DCAF7: variants seen among roughly 807,000 people sequenced by gnomAD.
DCAF7 encodes the protein DDB1- and CUL4-associated factor 7.
A neutral mutation model predicts 41.2 loss-of-function variants in DCAF7; 4 were observed. That is an observed-to-expected ratio of 0.10 (90% CI 0.05 to 0.22). DCAF7 has a LOEUF of 0.22. Among genes scored for constraint, DCAF7 ranks in the 10% least tolerant of loss-of-function variants. DCAF7 has a pLI of 1.00. For missense variants in DCAF7, 131 were observed against 443.2 expected (o/e 0.30, Z 6.32); for synonymous variants, 143 against 164.2 (o/e 0.87, Z 0.99).
At chr17:63,564,296 A>C (rs1458514928) in intron 1 of DCAF7, among the ~76,000 whole-genome samples, 1 of 152,240 alleles carries the variant, frequency 6.6e-6, no homozygotes, top group African/African-American at 2.4e-5. Context: ...AAAATAGATA[A>C]AACTTGTAAA....
chr17:63,564,229 C>T (rs900949934), intron 1 of DCAF7, among the ~76,000 whole-genome samples: 5 of 151,970 alleles, frequency 3.3e-5, no homozygotes, highest in African/African-American at 1.2e-4. Context: ...CTTTATAATC[C>T]TCTTACAATC....
intron 1 of DCAF7, among the ~76,000 whole-genome samples, chr17:63,576,724 G>C (rs184495285): frequency 2.1e-4 from 32 of 152,170 alleles, no homozygotes; most frequent in Admixed American, 1.7e-3. Context: ...GGCCAGCCTG[G>C]GCAACATAAG....
At chr17:63,587,050 C>A (rs1014560937) in intron 6 of DCAF7, among the ~76,000 whole-genome samples, 5 of 152,158 alleles carry the variant, frequency 3.3e-5, no homozygotes, top group Admixed American at 6.5e-5. Context: ...AGGATTCTGT[C>A]CTAGTCCTGT....
chr17:63,570,394 C>T (rs2033493312), intron 1 of DCAF7, among the ~76,000 whole-genome samples: 1 of 151,774 alleles, frequency 6.6e-6, no homozygotes, highest in South Asian at 2.1e-4. Context: ...GCGGAGGTTG[C>T]AGTGAGCTGA....
rs1190949950 is a variant in DCAF7 at position 63,593,687 on chromosome 17, C to T, written c.*4515C>T. ...AAATTGTTGAGCTGAAGCTTTGAAT[C>T]GATTTAGTTGAGTCTGACTCACTTG... On this transcript the variant is annotated 3_prime_UTR_variant, in exon 7 of 7. Coordinates refer to ENST00000614556, the MANE Select transcript of DCAF7 (RefSeq NM_005828.5). 2 of 152,718 alleles carry T rather than the reference C, an allele frequency of 1.3e-5. No individual in the cohort carries two copies. The highest frequency in any genetic ancestry group is 2.4e-5 in the African/African-American group (1 of 41,552). 9.5% of individuals were successfully genotyped at this position (152,718 alleles called of 1,614,324 possible). A position where few individuals can be genotyped will look rare whatever the true frequency, so the allele number is the denominator to read the frequency against.
chr17:63,559,429 A>ATGTGTG (rs1469124112), intron 1 of DCAF7, among the ~76,000 whole-genome samples: 1 of 107,240 alleles, frequency 9.3e-6, no homozygotes, highest in African/African-American at 5.6e-5. Flanking sequence ...ACGTATATAT[A>ATGTGTG]TATGTGTGTG....
intron 4 of DCAF7, among the ~76,000 whole-genome samples, chr17:63,580,290 T>A (rs1296604531): frequency 6.6e-6 from 1 of 152,030 alleles, no homozygotes; most frequent in African/African-American, 2.4e-5. Context: ...CAGATTAGAT[T>A]TGGGGAGGAA....
chr17:63,585,733 T>C (rs916862152), intron 6 of DCAF7, among the ~76,000 whole-genome samples: 1 of 152,216 alleles, frequency 6.6e-6, no homozygotes, highest in Non-Finnish European at 1.5e-5. Flanking sequence ...AAACCCACAG[T>C]GTGCTCTGGA....
At chr17:63,566,585 C>A (rs975081294) in intron 1 of DCAF7, among the ~76,000 whole-genome samples, 2 of 152,098 alleles carry the variant, frequency 1.3e-5, no homozygotes, top group African/African-American at 4.8e-5. Flanking sequence ...GAAAGGAGAG[C>A]TATTTGTACT....
Position 63,589,376 on chromosome 17 carries a change from C to G in DCAF7, c.*204C>G, listed in dbSNP as rs1351445986. On this transcript the variant is annotated 3_prime_UTR_variant, in exon 7 of 7. Coordinates refer to ENST00000614556, the MANE Select transcript of DCAF7 (RefSeq NM_005828.5). ...GACTCAGTGCTGTGTGGCGCCTCCTCAGCCCAGGGCTGAGTTTTAAGATTT... is the reference window on the plus strand; with the variant it reads ...GACTCAGTGCTGTGTGGCGCCTCCTGAGCCCAGGGCTGAGTTTTAAGATTT... 8 of 677,586 alleles carry G rather than the reference C, an allele frequency of 1.2e-5. No individual in the cohort carries two copies. The highest frequency in any genetic ancestry group is 1.1e-4 in the South Asian group (7 of 63,086). 42.0% of individuals were successfully genotyped at this position (677,586 alleles called of 1,614,324 possible).
chr17:63,578,794 T>C (rs2033589628), intron 2 of DCAF7, among the ~76,000 whole-genome samples, 166 bp downstream of exon 2: 1 of 152,160 alleles, frequency 6.6e-6, no homozygotes, highest in Non-Finnish European at 1.5e-5. Context: ...CTCAGCAGAT[T>C]TTCTAGTATA....
intron 1 of DCAF7, among the ~76,000 whole-genome samples, chr17:63,558,664 C>G (rs1034913143): frequency 6.6e-6 from 1 of 152,150 alleles, no homozygotes; most frequent in Non-Finnish European, 1.5e-5. Flanking sequence ...CTATGTTGCT[C>G]AGACTGGTCT....
At chr17:63,566,595 T>C (rs572644350) in intron 1 of DCAF7, among the ~76,000 whole-genome samples, 1 of 152,324 alleles carries the variant, frequency 6.6e-6, no homozygotes, top group East Asian at 1.9e-4. Context: ...CTATTTGTAC[T>C]GAAGATCTTC....
chr17:63,568,146 A>G (rs540999660), intron 1 of DCAF7, among the ~76,000 whole-genome samples: 1 of 151,844 alleles, frequency 6.6e-6, no homozygotes, highest in African/African-American at 2.4e-5. Context: ...TCAGCCTCCC[A>G]AGTAGCTGGG....
Position 63,590,541 on chromosome 17 carries a change from T to G in DCAF7, c.*1369T>G, listed in dbSNP as rs1218441437. 2 of 152,728 alleles carry G rather than the reference T, an allele frequency of 1.3e-5. No individual in the cohort carries two copies. Among genetic ancestry groups the G allele is most frequent in the Non-Finnish European group, 2.9e-5 (2 of 68,110 alleles). 9.5% of individuals were successfully genotyped at this position (152,728 alleles called of 1,614,324 possible). A position where few individuals can be genotyped will look rare whatever the true frequency, so the allele number is the denominator to read the frequency against. Reference sequence around the variant, plus strand: ...GGACTTGTAGCCTGCAGTTGTCTTTTGACTTGCAGGCCGCAGGTGTCTTTC... The same window carrying G: ...GGACTTGTAGCCTGCAGTTGTCTTTGGACTTGCAGGCCGCAGGTGTCTTTC... On this transcript the variant is annotated 3_prime_UTR_variant, in exon 7 of 7. Coordinates refer to ENST00000614556, the MANE Select transcript of DCAF7 (RefSeq NM_005828.5).
At chr17:63,555,800 T>A (rs776677889) in intron 1 of DCAF7, among the ~76,000 whole-genome samples, 19 of 152,210 alleles carry the variant, frequency 1.2e-4, no homozygotes, top group Non-Finnish European at 2.5e-4. Context: ...TAAAAAAAAA[T>A]GCTACTTTAT....
chr17:63,579,761 C>A, intron 3 of DCAF7, 64 bp from the exon 4 acceptor site: 2 of 1,392,260 alleles, frequency 1.4e-6, no homozygotes, highest in African/African-American at 1.4e-5. Context: ...TGAGTAAACA[C>A]AAGAGGGAAG....
At chr17:63,569,769 G>A (rs993870497) in intron 1 of DCAF7, among the ~76,000 whole-genome samples, 6 of 152,172 alleles carry the variant, frequency 3.9e-5, no homozygotes, top group African/African-American at 1.2e-4. Flanking sequence ...GTGGGGTGCA[G>A]TAGTACAATC....
chr17:63,570,647 T>C (rs1325996698), intron 1 of DCAF7, among the ~76,000 whole-genome samples: 1 of 152,200 alleles, frequency 6.6e-6, no homozygotes, highest in Non-Finnish European at 1.5e-5. Context: ...TGCTCTGCTC[T>C]ATAGAGCACT....
Sources: allele counts gnomAD v4.1 joint callset (sites outside exome capture counted in the v4.1 genomes callset), GRCh38; gene constraint gnomAD v4.1.1; transcripts MANE v1.5; gene names NCBI Gene and HGNC (gene_info 2026-07-23, HGNC 2026-07-21).